ASAP1: variants seen among roughly 807,000 people sequenced by gnomAD.
ASAP1 encodes the protein arf-GAP with SH3 domain, ANK repeat and PH domain-containing protein 1.
In ASAP1, 43 loss-of-function variants were observed where a neutral mutation model predicts 145.2. The observed-to-expected ratio is 0.30, with a 90% CI of 0.23 to 0.38. The LOEUF (loss-of-function observed/expected upper bound fraction) is 0.38, where lower values mean the gene tolerates loss of function less well. Among genes scored for constraint, ASAP1 ranks in the 10% least tolerant of loss-of-function variants. ASAP1 has a pLI of 1.00. For synonymous variants in ASAP1, 546 were observed against 515.5 expected (o/e 1.06, Z -0.80); for missense variants, 1,018 against 1,355.3 (o/e 0.75, Z 3.91).
Position 130,367,386 on chromosome 8 carries a change from C to T in ASAP1, c.60-9243G>A, listed in dbSNP as rs118127353. Among the ~76,000 whole-genome samples, 869 of 152,252 alleles carry T rather than the reference C, an allele frequency of 5.7e-3. 7 individuals are homozygous for T. Among genetic ancestry groups the T allele is most frequent in the Middle Eastern group, 0.01 (3 of 294 alleles). The stretch of plus-strand genomic sequence containing the variant: ...TCCAAGTAAAAGTAATTTGATGTAA[C>T]GCTCTCTCTCTGATTTGCCCACAGC... On this transcript the variant is annotated intron_variant, in intron 2 of 29. Transcript: ENST00000518721.
chr8:130,152,805 C>A lies in ASAP1; in HGVS notation c.1011G>T (p.Gly337=). 6.2e-7 allele frequency: 1 copy of A among 1,607,226 alleles called. No individual in the cohort carries two copies. Among genetic ancestry groups the A allele is most frequent in the Non-Finnish European group, 8.5e-7 (1 of 1,175,086 alleles). Residue 337 remains glycine (G), a splice_region_variant and synonymous_variant, in exon 13 of 30, where the codon GGG becomes GGT. Transcript: ENST00000518721. ...KKGYLLKKSD[G]IRKVWQRRKC... ...TCCTCCTCTGCCATACTTTCCGGAT[C>A]CTAAGGAGGAAGTCAAACACAACTA...
chr8:130,288,107 C>T (rs1350192223), intron 3 of ASAP1, among the ~76,000 whole-genome samples: 9 of 152,190 alleles, frequency 5.9e-5, no homozygotes, highest in Non-Finnish European at 1.0e-4. Flanking sequence ...TCCAGCTACA[C>T]GCATCAAGCA....
At chr8:130,194,374 G>T (rs922699299) in intron 5 of ASAP1, among the ~76,000 whole-genome samples, 1 of 151,222 alleles carries the variant, frequency 6.6e-6, no homozygotes, top group Admixed American at 6.6e-5. Flanking sequence ...ATATTCACTG[G>T]GGGGAGCAAA....
At chr8:130,211,865 T>A (rs961736658) in intron 5 of ASAP1, among the ~76,000 whole-genome samples, 4 of 152,196 alleles carry the variant, frequency 2.6e-5, no homozygotes, top group African/African-American at 9.7e-5. Flanking sequence ...TTGCTTAACG[T>A]TTCTGGCCTT....
intron 25 of ASAP1, chr8:130,083,811 G>A (rs1166757672): frequency 1.3e-5 from 2 of 152,074 alleles, no homozygotes; most frequent in African/African-American, 2.4e-5. Flanking sequence ...TATTTTTTCT[G>A]AGATGGAGTT....
intron 7 of ASAP1, among the ~76,000 whole-genome samples, chr8:130,185,845 A>C (rs1264755775): frequency 6.6e-6 from 1 of 152,066 alleles, no homozygotes; most frequent in Non-Finnish European, 1.5e-5. Context: ...AATGCTTTAT[A>C]TTCTAAGTCA....
At chr8:130,402,791 G>A (rs189319355) in intron 1 of ASAP1, among the ~76,000 whole-genome samples, 225 of 152,214 alleles carry the variant, frequency 1.5e-3, no homozygotes, top group African/African-American at 5.3e-3. Flanking sequence ...CACTGGTCCA[G>A]CTCTGGACCA....
intron 20 of ASAP1, 117 bp from the exon 21 acceptor site, chr8:130,117,112 T>C: frequency 3.2e-6 from 2 of 629,022 alleles, no homozygotes; most frequent in East Asian, 5.6e-5. Context: ...ATTATTATAA[T>C]AGAGAAAATT....
At chr8:130,146,989 G>A (rs149923890) in intron 13 of ASAP1, among the ~76,000 whole-genome samples, 1,763 of 152,208 alleles carry the variant, frequency 0.012, 19 homozygotes, top group Middle Eastern at 0.041. Context: ...ACTTTGGGAA[G>A]CCGAGGTGGG....
At chr8:130,154,173 C>T (rs75213421) in intron 12 of ASAP1, among the ~76,000 whole-genome samples, 15,659 of 152,124 alleles carry the variant, frequency 0.1, 940 homozygotes, top group South Asian at 0.27. Context: ...ATACACCACC[C>T]CTTTAGGGGT....
intron 3 of ASAP1, among the ~76,000 whole-genome samples, chr8:130,332,851 T>TA: frequency 6.6e-6 from 1 of 151,802 alleles, no homozygotes; most frequent in East Asian, 1.9e-4. Context: ...TTTATTTTTG[T>TA]AAAAAAAATT....
Position 130,264,341 on chromosome 8 carries a change from T to G in ASAP1, c.187-27347A>C, listed in dbSNP as rs73409310. Among the ~76,000 whole-genome samples, 981 of 152,274 alleles carry G rather than the reference T, an allele frequency of 6.4e-3. 9 individuals are homozygous for G. The highest frequency in any genetic ancestry group is 0.023 in the African/African-American group (949 of 41,550). On this transcript the variant is annotated intron_variant, in intron 3 of 29. Transcript: ENST00000518721. ...CTGGGATCTATATAGGATCCTGTGG[T>G]CACCAGCACTCTGTCCAGATGGACA...
intron 9 of ASAP1, among the ~76,000 whole-genome samples, chr8:130,174,881 T>C (rs1347930532): frequency 6.6e-6 from 1 of 152,266 alleles, no homozygotes; most frequent in Non-Finnish European, 1.5e-5. Flanking sequence ...TACCACATTT[T>C]GTTTAACCTT....
chr8:130,389,166 C>A (rs1828160146), intron 2 of ASAP1, among the ~76,000 whole-genome samples: 1 of 152,128 alleles, frequency 6.6e-6, no homozygotes, highest in African/African-American at 2.4e-5. Context: ...TACTTAGTGC[C>A]AAGTGCTGGG....
At chr8:130,124,733 A>G (rs890069571) in intron 17 of ASAP1, among the ~76,000 whole-genome samples, 1 of 152,214 alleles carries the variant, frequency 6.6e-6, no homozygotes, top group Non-Finnish European at 1.5e-5. Context: ...CATACATGCA[A>G]CCATGTCTTT....
At chr8:130,305,369 C>A (rs944477272) in intron 3 of ASAP1, among the ~76,000 whole-genome samples, 2 of 152,190 alleles carry the variant, frequency 1.3e-5, no homozygotes, top group African/African-American at 4.8e-5. Flanking sequence ...GTTTTTGGAA[C>A]GGACTCTTGC....
chr8:130,128,745 T>C (rs80223438), intron 15 of ASAP1, among the ~76,000 whole-genome samples: 16,275 of 152,136 alleles, frequency 0.11, 1,009 homozygotes, highest in South Asian at 0.28. Context: ...TAAAATAACC[T>C]AGAAACCCAA....
chr8:130,354,054 AT>A (rs200814119), intron 3 of ASAP1, among the ~76,000 whole-genome samples: 2,019 of 151,132 alleles, frequency 0.013, 25 homozygotes, highest in East Asian at 0.052. Flanking sequence ...CGCCCAGCTA[AT>A]TTTTTTTTGT....
intron 1 of ASAP1, among the ~76,000 whole-genome samples, chr8:130,409,611 C>A (rs962052306): frequency 6.6e-6 from 1 of 152,186 alleles, no homozygotes; most frequent in Non-Finnish European, 1.5e-5. Context: ...AAGCCCACCC[C>A]AAGAAGAAAG....
Sources: allele counts gnomAD v4.1 joint callset (sites outside exome capture counted in the v4.1 genomes callset), GRCh38; gene constraint gnomAD v4.1.1; transcripts MANE v1.5; gene names NCBI Gene and HGNC (gene_info 2026-07-23, HGNC 2026-07-21).